The following CADPS variants were observed in gnomAD, a reference collection of about 807,000 sequenced individuals.
CADPS encodes the protein calcium dependent secretion activator.
In CADPS, 57 loss-of-function variants were observed where a neutral mutation model predicts 167.3. The ratio of observed to expected loss-of-function variants is 0.34; its 90% CI spans 0.28 to 0.42. The LOEUF (loss-of-function observed/expected upper bound fraction) is 0.42, where lower values mean the gene tolerates loss of function less well. CADPS is among the 20% of genes least tolerant of loss of function. The pLI, the probability that CADPS is intolerant of heterozygous loss-of-function variation, is 1.00. For synonymous variants in CADPS, 676 were observed against 635.3 expected, an observed-to-expected ratio of 1.06 and a Z score of -0.96; for missense variants, 1,414 against 1,738.1, an observed-to-expected ratio of 0.81 and a Z score of 3.32.
intron 28 of CADPS, among the ~76,000 whole-genome samples, chr3:62,411,070 T>G (rs2048864375): frequency 1.3e-5 from 2 of 152,138 alleles, no homozygotes; most frequent in South Asian, 4.1e-4. Flanking sequence ...GCCACTGTAC[T>G]CCAGCCTGGG....
chr3:62,532,719 GT>G, intron 13 of CADPS, 151 bp downstream of exon 13: 1 of 1,494 alleles, frequency 6.7e-4, no homozygotes, highest in Non-Finnish European at 7.4e-3. Context: ...AGTGCCCTTT[GT>G]GTGTGTGTGT....
At chr3:62,530,053 C>A (rs2073300477) in intron 13 of CADPS, among the ~76,000 whole-genome samples, 1 of 152,032 alleles carries the variant, frequency 6.6e-6, no homozygotes, top group African/African-American at 2.4e-5. Flanking sequence ...ACAGGATAAA[C>A]AAAATTTTAG....
intron 22 of CADPS, among the ~76,000 whole-genome samples, chr3:62,479,234 A>T (rs2061669531): frequency 6.6e-6 from 1 of 152,202 alleles, no homozygotes; most frequent in South Asian, 2.1e-4. Flanking sequence ...ACGTCTAAGA[A>T]ACTTTTACCT....
intron 4 of CADPS, among the ~76,000 whole-genome samples, chr3:62,659,701 A>G (rs1003323067): frequency 1.3e-5 from 2 of 152,216 alleles, no homozygotes; most frequent in African/African-American, 2.4e-5. Flanking sequence ...GTTTGCATCA[A>G]GTTTCCATTT....
chr3:62,639,867 C>T (rs2067073606), intron 6 of CADPS, among the ~76,000 whole-genome samples: 1 of 152,166 alleles, frequency 6.6e-6, no homozygotes. Context: ...GTCCAGGACA[C>T]ATCAAGCCCC....
chr3:62,678,863 C>G (rs2076707118), intron 3 of CADPS, among the ~76,000 whole-genome samples: 1 of 152,006 alleles, frequency 6.6e-6, no homozygotes, highest in Non-Finnish European at 1.5e-5. Flanking sequence ...GGTGTCCAAC[C>G]TAGCCCTACT....
intron 1 of CADPS, among the ~76,000 whole-genome samples, chr3:62,779,996 A>T (rs1262779567): frequency 6.6e-6 from 1 of 152,220 alleles, no homozygotes; most frequent in African/African-American, 2.4e-5. Context: ...GAAGGGATTC[A>T]TCATTGAACT....
chr3:62,561,923 A>T (rs547376757), intron 9 of CADPS, among the ~76,000 whole-genome samples: 1 of 152,326 alleles, frequency 6.6e-6, no homozygotes, highest in East Asian at 1.9e-4. Context: ...TTTATAATAG[A>T]TACATTCATT....
intron 9 of CADPS, among the ~76,000 whole-genome samples, chr3:62,563,985 C>T (rs1488102185): frequency 6.6e-6 from 1 of 152,086 alleles, no homozygotes; most frequent in Non-Finnish European, 1.5e-5. Flanking sequence ...AAGGCACTTG[C>T]AATCAAAAGA....
At chr3:62,828,488 T>C (rs1404096208) in intron 1 of CADPS, among the ~76,000 whole-genome samples, 1 of 152,102 alleles carries the variant, frequency 6.6e-6, no homozygotes, top group Non-Finnish European at 1.5e-5. Flanking sequence ...CCATAACGGC[T>C]TGAAAAAGAA....
At chr3:62,519,792 A>AT (rs200056343) in intron 13 of CADPS, among the ~76,000 whole-genome samples, 15,847 of 148,150 alleles carry the variant, frequency 0.11, 1,302 homozygotes, top group African/African-American at 0.23. Context: ...ACAAAAACAA[A>AT]TTTTTTTTTT....
intron 3 of CADPS, among the ~76,000 whole-genome samples, chr3:62,718,971 A>C (rs2075217828): frequency 6.6e-6 from 1 of 152,168 alleles, no homozygotes; most frequent in Non-Finnish European, 1.5e-5. Flanking sequence ...TGGACCTGTG[A>C]CTATAGAACA....
At chr3:62,462,158 G>C (rs928652129) in intron 26 of CADPS, among the ~76,000 whole-genome samples, 2 of 152,210 alleles carry the variant, frequency 1.3e-5, no homozygotes, top group African/African-American at 4.8e-5. Context: ...TTGTAGTCAA[G>C]GGAAATGGGC....
chr3:62,788,009 T>C (rs888492406), intron 1 of CADPS, among the ~76,000 whole-genome samples: 8 of 152,194 alleles, frequency 5.3e-5, no homozygotes, highest in Admixed American at 3.9e-4. Context: ...CTTCAATGTG[T>C]CTTTAATGTG....
rs560955503 is a variant in CADPS at position 62,478,615 on chromosome 3, A to C, written c.3174-199T>G. 6.6e-6 allele frequency among the ~76,000 whole-genome samples: 1 copy of C among 152,166 alleles called. No individual in the cohort carries two copies. The highest frequency in any genetic ancestry group is 1.5e-5 in the Non-Finnish European group (1 of 68,026). On this transcript the variant is annotated intron_variant, in intron 22 of 29. Coordinates refer to ENST00000383710, the MANE Select transcript of CADPS (RefSeq NM_003716.4). This position sits in a 1 kb window ranked among gnomAD's most constrained non-coding sequence, Gnocchi z 5.7. ...ATACATGACTTAGTGTGCTTTGCTC[A>C]GCCAATTACCCCAGACCAGTGAGAA...
chr3:62,614,419 A>G (rs1016452552), intron 6 of CADPS, among the ~76,000 whole-genome samples: 5 of 152,210 alleles, frequency 3.3e-5, no homozygotes, highest in African/African-American at 1.2e-4. Context: ...ATCCTTGTTG[A>G]GCATTTTAAT....
At chr3:62,626,910 C>T (rs1438633629) in intron 6 of CADPS, among the ~76,000 whole-genome samples, 3 of 151,968 alleles carry the variant, frequency 2.0e-5, no homozygotes, top group Admixed American at 6.6e-5. Context: ...TAGTACCTTA[C>T]CTTGTATATT....
At chr3:62,742,562 T>A (rs1564553505) in intron 3 of CADPS, among the ~76,000 whole-genome samples, 1 of 152,234 alleles carries the variant, frequency 6.6e-6, no homozygotes, top group East Asian at 1.9e-4. Context: ...CTGGGATAAC[T>A]GGCTAGCCAT....
At chr3:62,517,739 G>T (rs960154556) in intron 14 of CADPS, among the ~76,000 whole-genome samples, 1 of 152,082 alleles carries the variant, frequency 6.6e-6, no homozygotes, top group South Asian at 2.1e-4. Context: ...TCCCTGTGTT[G>T]CCAGCCAGTG....
Sources: gnomAD v4.1 joint callset for allele counts (sites outside exome capture counted in the v4.1 genomes callset) on GRCh38, gnomAD v4.1.1 for gene constraint, Gnocchi (gnomAD v3.1) non-coding constraint, MANE v1.5 for transcripts, NCBI Gene and HGNC (gene_info 2026-07-23, HGNC 2026-07-21) for gene names.